Variants in FXR2 observed in about 807,000 individuals in gnomAD.
FXR2 encodes RNA-binding protein FXR2.
FXR2 carries 9 observed loss-of-function variants against 87.3 expected under a neutral mutation model. That is an observed-to-expected ratio of 0.10 (90% CI 0.06 to 0.18). FXR2 has a LOEUF of 0.18. FXR2 is among the 10% of genes least tolerant of loss of function. The pLI, the probability that FXR2 is intolerant of heterozygous loss-of-function variation, is 1.00. For synonymous variants in FXR2, 331 were observed against 328.3 expected, an observed-to-expected ratio of 1.01 and a Z score of -0.09; for missense variants, 661 against 893.6, an observed-to-expected ratio of 0.74 and a Z score of 3.32.
chr17:7,612,608 GGTAA>G lies in FXR2; in HGVS notation c.81+1840_81+1843del, dbSNP rs531763806. 3.3e-3 allele frequency among the ~76,000 whole-genome samples: 502 copies of G among 152,058 alleles called. 1 individual carries two copies. The highest frequency in any genetic ancestry group is 5.7e-3 in the Non-Finnish European group (391 of 68,000). On this transcript the variant is annotated intron_variant, in intron 1 of 16. Transcript: ENST00000250113. Reference sequence around the variant, plus strand: ...AAAAGCTAAAAACTTGAATTGAGAAGGTAAGTTAGACATGGGTACCCACAGTCAC... The same window carrying G: ...AAAAGCTAAAAACTTGAATTGAGAAGGTTAGACATGGGTACCCACAGTCAC...
In FXR2 at chr17:7,593,053, C is replaced by A; in HGVS notation, c.1459G>T (p.Gly487Cys). The change falls in exon 13 of 17, where the codon GGC (glycine) becomes TGC (cysteine). Residue 487 changes from glycine to cysteine, a missense_variant. Gly to Cys is a radical substitution (Grantham distance 159). Transcript: ENST00000250113. The surrounding 1 kb of genome is among the most constrained non-coding windows in gnomAD (Gnocchi z 6.1). ...GEESRRRPTG[G>C]RGRGPPPAPR... ...GCAGGTGGGGGTCCCCTACCCCGGC[C>A]CCCAGTCGGCCGCCTCCGGCTTTCT... The A allele has an allele frequency of 1.3e-6, 2 of 1,584,156 alleles. No individual in the cohort carries two copies. Among genetic ancestry groups the A allele is most frequent in the Non-Finnish European group, 8.6e-7 (1 of 1,167,988 alleles).
At chr17:7,597,035 G>C (rs1039733059) in intron 7 of FXR2, among the ~76,000 whole-genome samples, 1 of 152,148 alleles carries the variant, frequency 6.6e-6, no homozygotes, top group Non-Finnish European at 1.5e-5. Context: ...GGGAGTTGGA[G>C]GTTACAGTGA....
At chr17:7,611,766 C>T (rs1188192503) in intron 1 of FXR2, among the ~76,000 whole-genome samples, 1 of 152,106 alleles carries the variant, frequency 6.6e-6, no homozygotes, top group African/African-American at 2.4e-5. Context: ...ATTCCAGAAG[C>T]AGTGTAAATA....
chr17:7,601,725 G>A (rs987853038), intron 6 of FXR2, among the ~76,000 whole-genome samples, 200 bp from the exon 7 acceptor site: 19 of 150,972 alleles, frequency 1.3e-4, no homozygotes, highest in Non-Finnish European at 7.4e-5. Flanking sequence ...TCATGAGATC[G>A]AGACCATCCT....
At chr17:7,610,008 A>ATATATACATGCATATGTATACATGTATG (rs1567754062) in intron 1 of FXR2, among the ~76,000 whole-genome samples, 12 of 75,626 alleles carry the variant, frequency 1.6e-4, no homozygotes, top group African/African-American at 5.2e-4. Context: ...ATGTATACAT[A>ATATATACATGCATATGTATACATGTATG]TATATATACA....
Position 7,591,822 on chromosome 17 carries a change from TGGA to T in FXR2, c.*5_*7del. The T allele has an allele frequency of 1.4e-6, 2 of 1,426,908 alleles. No individual in the cohort carries two copies. The highest frequency in any genetic ancestry group is 2.0e-6 in the Non-Finnish European group (2 of 1,009,006). The allele number at this position is 1,426,908 out of a possible 1,614,324, so 88.4% of individuals were successfully genotyped here. A position where few individuals can be genotyped will look rare whatever the true frequency, so the allele number is the denominator to read the frequency against. On this transcript the variant is annotated 3_prime_UTR_variant, in exon 17 of 17. Transcript: ENST00000250113. The surrounding 1 kb of genome is among the most constrained non-coding windows in gnomAD (Gnocchi z 4.0). ...AGATGGAGAAGGGAGGGGTGCAGGT[TGGA>T]GGTTTTATGAAACCCCATTCACCAT...
chr17:7,602,860 G>GA (rs751469579), intron 6 of FXR2, 49 bp downstream of exon 6: 9 of 899,870 alleles, frequency 1.0e-5, no homozygotes, highest in Non-Finnish European at 1.6e-5. Context: ...AAGGGAAAAA[G>GA]AAAAAATGTT....
In FXR2 at chr17:7,594,017, G is replaced by T. The variant is rs368075738; in HGVS notation, c.1021-13C>A. 3.7e-4 allele frequency: 563 copies of T among 1,512,620 alleles called. 1 individual carries two copies. The highest frequency in any genetic ancestry group is 1.7e-3 in the Middle Eastern group (10 of 5,860). 93.7% of individuals were successfully genotyped at this position (1,512,620 alleles called of 1,614,324 possible). A position where few individuals can be genotyped will look rare whatever the true frequency, so the allele number is the denominator to read the frequency against. On this transcript the variant is annotated splice_polypyrimidine_tract_variant and intron_variant, in intron 10 of 16. Coordinates refer to ENST00000250113, the MANE Select transcript of FXR2 (RefSeq NM_004860.4). This position sits in a 1 kb window ranked among gnomAD's most constrained non-coding sequence, Gnocchi z 5.1. ...AGGGAACCATTCCCTAGAGAACAGAGAGCAGAAACGATGGATCAGAAAGGA... is the reference window on the plus strand; with the variant it reads ...AGGGAACCATTCCCTAGAGAACAGATAGCAGAAACGATGGATCAGAAAGGA...
intron 7 of FXR2, among the ~76,000 whole-genome samples, chr17:7,597,755 T>C (rs1326168763): frequency 2.0e-5 from 3 of 151,826 alleles, no homozygotes; most frequent in Non-Finnish European, 4.4e-5. Context: ...ACTGATTAAA[T>C]CACTGATCCT....
chr17:7,599,573 T>G (rs1465254385), intron 7 of FXR2, among the ~76,000 whole-genome samples: 1 of 152,010 alleles, frequency 6.6e-6, no homozygotes, highest in Non-Finnish European at 1.5e-5. Context: ...TTCAAAAAGA[T>G]CTCACAGAAA....
intron 7 of FXR2, among the ~76,000 whole-genome samples, chr17:7,600,912 G>A (rs1007697322): frequency 6.6e-6 from 1 of 152,166 alleles, no homozygotes; most frequent in Non-Finnish European, 1.5e-5. Flanking sequence ...AGGTGTGGTG[G>A]CTCACGCCTG....
At chr17:7,598,585 C>G (rs970834557) in intron 7 of FXR2, among the ~76,000 whole-genome samples, 1 of 152,220 alleles carries the variant, frequency 6.6e-6, no homozygotes, top group Non-Finnish European at 1.5e-5. Flanking sequence ...TACTCTCTGA[C>G]CGAATTTTGT....
intron 1 of FXR2, among the ~76,000 whole-genome samples, chr17:7,612,990 C>T (rs1454795512): frequency 2.1e-5 from 2 of 96,768 alleles, no homozygotes; most frequent in Non-Finnish European, 3.8e-5. Flanking sequence ...GGGCGAGACT[C>T]CATCTCAAAA....
chr17:7,610,921 T>A (rs1177029516), intron 1 of FXR2, among the ~76,000 whole-genome samples: 1 of 152,094 alleles, frequency 6.6e-6, no homozygotes, highest in Non-Finnish European at 1.5e-5. Context: ...TTAGAAGATA[T>A]AAAATTGGTC....
At chr17:7,614,328 G>T in intron 1 of FXR2, 124 bp downstream of exon 1, 1 of 754,670 alleles carries the variant, frequency 1.3e-6, no homozygotes, top group Non-Finnish European at 2.2e-6. Context: ...GCGGGTTGGA[G>T]CAAGGGTCCA....
At position 7,614,700 on chromosome 17, in the gene FXR2, G is replaced by C; in HGVS notation, c.-168C>G. ...GCCCTGCCACAGCCAACGAGCAGGG[G>C]GCCGGGGCCGGGCCGCTCCCCGTCC... On this transcript the variant is annotated 5_prime_UTR_variant, in exon 1 of 17. Coordinates refer to ENST00000250113, the MANE Select transcript of FXR2 (RefSeq NM_004860.4). The C allele has an allele frequency of 3.2e-6, 1 of 312,848 alleles. No homozygotes were observed. The highest frequency in any genetic ancestry group is 5.8e-6 in the Non-Finnish European group (1 of 173,750). 19.4% of individuals were successfully genotyped at this position (312,848 alleles called of 1,614,324 possible). A position where few individuals can be genotyped will look rare whatever the true frequency, so the allele number is the denominator to read the frequency against.
intron 7 of FXR2, among the ~76,000 whole-genome samples, chr17:7,598,348 G>C (rs997104009): frequency 6.6e-6 from 1 of 152,130 alleles, no homozygotes; most frequent in African/African-American, 2.4e-5. Flanking sequence ...CCAGCTTCTC[G>C]TGAGGCTGAG....
chr17:7,602,847 A>C (rs2071769844), intron 6 of FXR2, 62 bp downstream of exon 6: 2 of 819,708 alleles, frequency 2.4e-6, no homozygotes, highest in Non-Finnish European at 4.1e-6. Flanking sequence ...CAAAAGGGTT[A>C]AAAAGGGAAA....
At chr17:7,598,940 G>A (rs1033822324) in intron 7 of FXR2, among the ~76,000 whole-genome samples, 3 of 152,160 alleles carry the variant, frequency 2.0e-5, no homozygotes, top group African/African-American at 7.2e-5. Context: ...GCGGTCGGGA[G>A]TTCAAAACCA....
Sources: allele counts gnomAD v4.1 joint callset (sites outside exome capture counted in the v4.1 genomes callset), GRCh38; gene constraint gnomAD v4.1.1; non-coding constraint Gnocchi (gnomAD v3.1); transcripts MANE v1.5; gene names NCBI Gene and HGNC (gene_info 2026-07-23, HGNC 2026-07-21).